ZRANB3: variants seen among roughly 807,000 people sequenced by gnomAD.
ZRANB3 encodes the protein zinc finger RANBP2-type containing 3, also known as DNA annealing helicase and endonuclease ZRANB3.
Under a neutral mutation model 133.8 loss-of-function variants are expected in ZRANB3, and 125 were observed. That is an observed-to-expected ratio of 0.93 (90% CI 0.81 to 1.08). ZRANB3 has a LOEUF of 1.08. Ranked by LOEUF, ZRANB3 falls within the 50% of genes least tolerant of loss-of-function variation. The pLI is 0.00. For missense variants in ZRANB3, 1,229 were observed against 1,275.5 expected, an observed-to-expected ratio of 0.96 and a Z score of 0.56; for synonymous variants, 387 against 432.7, an observed-to-expected ratio of 0.89 and a Z score of 1.31.
intron 8 of ZRANB3, among the ~76,000 whole-genome samples, chr2:135,292,519 C>T (rs1681806951): frequency 6.6e-6 from 1 of 152,148 alleles, no homozygotes; most frequent in Non-Finnish European, 1.5e-5. Context: ...GAGTAGACTG[C>T]AAAAAATTTC....
At chr2:135,357,587 C>A (rs757452604) in intron 3 of ZRANB3, among the ~76,000 whole-genome samples, 1 of 152,136 alleles carries the variant, frequency 6.6e-6, no homozygotes, top group Non-Finnish European at 1.5e-5. Context: ...TAAGCCACTG[C>A]GCCTTGCCAA....
intron 2 of ZRANB3, among the ~76,000 whole-genome samples, chr2:135,398,359 C>A (rs980651149): frequency 3.3e-5 from 5 of 151,708 alleles, no homozygotes; most frequent in Non-Finnish European, 5.9e-5. Context: ...AGTCACTGCA[C>A]CTGGCCCTAC....
intron 2 of ZRANB3, among the ~76,000 whole-genome samples, chr2:135,442,860 T>A (rs1053069202): frequency 6.6e-6 from 1 of 152,150 alleles, no homozygotes; most frequent in Non-Finnish European, 1.5e-5. Context: ...CTCATGCCTG[T>A]AATCCCAGCA....
intron 1 of ZRANB3, among the ~76,000 whole-genome samples, chr2:135,510,373 A>T (rs886922818): frequency 6.6e-6 from 1 of 152,226 alleles, no homozygotes; most frequent in African/African-American, 2.4e-5. Context: ...CAGGAAAGGG[A>T]AGAGAGGGAG....
In ZRANB3 at chr2:135,513,650, G is replaced by T. The variant is rs571502748; in HGVS notation, c.-7-9154C>A. 2.4e-3 allele frequency among the ~76,000 whole-genome samples: 373 copies of T among 152,250 alleles called. 1 individual carries two copies. The highest frequency in any genetic ancestry group is 8.8e-3 in the African/African-American group (364 of 41,558). ...TAAACCTTTGTAATCTTGGGTTATGGTATGGTTTTAGACAACAACACTAAA... is the reference window on the plus strand; with the variant it reads ...TAAACCTTTGTAATCTTGGGTTATGTTATGGTTTTAGACAACAACACTAAA... On this transcript the variant is annotated intron_variant, in intron 1 of 20. Transcript: ENST00000264159.
At chr2:135,240,171 GT>G (rs1353605963) in intron 12 of ZRANB3, among the ~76,000 whole-genome samples, 10 of 152,094 alleles carry the variant, frequency 6.6e-5, no homozygotes, top group African/African-American at 2.4e-4. Flanking sequence ...GCAAGATCCT[GT>G]CTCTACAAAA....
intron 15 of ZRANB3, among the ~76,000 whole-genome samples, chr2:135,223,200 G>A (rs929069956): frequency 2.0e-5 from 3 of 151,756 alleles, no homozygotes; most frequent in Middle Eastern, 3.4e-3. Context: ...GCAGTGAGCC[G>A]AGATTGCACC....
chr2:135,504,435 T>C lies in ZRANB3; in HGVS notation c.55A>G (p.Thr19Ala), dbSNP rs369170850. The C allele has an allele frequency of 4.3e-6, 7 of 1,613,588 alleles. No homozygotes were observed. The African/African-American group carries it at 8.0e-5, about 18-fold the overall frequency. ...KSLTPHISCVTNESDNLLDFL... is the reference protein window; with the variant it reads ...KSLTPHISCVANESDNLLDFL... ...TCCAGCAGATTATCAGATTCATTTGTCACACAAGAAATGTGAGGTGTAAGA... is the reference window on the plus strand; with the variant it reads ...TCCAGCAGATTATCAGATTCATTTGCCACACAAGAAATGTGAGGTGTAAGA... The change falls in exon 2 of 21, where the codon ACA becomes GCA. Residue 19 changes from threonine (T) to alanine (A), a missense_variant. Physicochemically the swap from Thr to Ala is moderately conservative, Grantham distance 58 (BLOSUM62 0). Coordinates refer to ENST00000264159, the MANE Select transcript of ZRANB3 (RefSeq NM_032143.4).
intron 1 of ZRANB3, among the ~76,000 whole-genome samples, chr2:135,512,625 G>C (rs930816176): frequency 1.3e-5 from 2 of 151,322 alleles, no homozygotes; most frequent in African/African-American, 4.8e-5. Context: ...CATAAACACT[G>C]AAAGTAAAAG....
intron 2 of ZRANB3, among the ~76,000 whole-genome samples, chr2:135,402,555 A>T (rs995221582): frequency 1.3e-5 from 2 of 150,720 alleles, no homozygotes; most frequent in Non-Finnish European, 2.9e-5. Context: ...CGGCCTCCCA[A>T]TGTGCTGGGA....
At chr2:135,247,554 A>T (rs1695852891) in intron 12 of ZRANB3, among the ~76,000 whole-genome samples, 1 of 151,088 alleles carries the variant, frequency 6.6e-6, no homozygotes, top group South Asian at 2.1e-4. Flanking sequence ...ACTTATTATT[A>T]TTTTTTTTTA....
intron 3 of ZRANB3, among the ~76,000 whole-genome samples, chr2:135,378,013 G>C (rs951157337): frequency 6.6e-6 from 1 of 152,196 alleles, no homozygotes; most frequent in Non-Finnish European, 1.5e-5. Flanking sequence ...TCCTGCCCTG[G>C]AACATTGGAC....
chr2:135,270,593 C>G (rs1442301878), intron 10 of ZRANB3, among the ~76,000 whole-genome samples: 4 of 152,154 alleles, frequency 2.6e-5, no homozygotes, highest in Non-Finnish European at 5.9e-5. Flanking sequence ...ATGATATTCT[C>G]TGTGGCTGGA....
rs145521081 is a variant in ZRANB3 at position 135,402,756 on chromosome 2, T to G, written c.162-11936A>C. 4.8e-4 allele frequency among the ~76,000 whole-genome samples: 73 copies of G among 152,188 alleles called. No individual in the cohort carries two copies. The East Asian group carries it at 0.014, about 28-fold the overall frequency. The stretch of plus-strand genomic sequence containing the variant: ...GCGGGCCACCACGTCCAGCTAATTT[T>G]TGTATTTTTTGTAGAGACGAGGTTG... On this transcript the variant is annotated intron_variant, in intron 2 of 20. Transcript: ENST00000264159.
At chr2:135,415,208 A>C (rs1688506216) in intron 2 of ZRANB3, among the ~76,000 whole-genome samples, 2 of 151,746 alleles carry the variant, frequency 1.3e-5, no homozygotes, top group African/African-American at 4.8e-5. Flanking sequence ...ATAGACCACT[A>C]GCAACTCTAA....
chr2:135,453,106 G>A (rs1690347229), intron 2 of ZRANB3, among the ~76,000 whole-genome samples: 1 of 152,234 alleles, frequency 6.6e-6, no homozygotes, highest in South Asian at 2.1e-4. Flanking sequence ...TGCACCTGCA[G>A]GCTCAATAAC....
chr2:135,447,580 A>G (rs1690079250), intron 2 of ZRANB3, among the ~76,000 whole-genome samples: 1 of 152,162 alleles, frequency 6.6e-6, no homozygotes, highest in African/African-American at 2.4e-5. Flanking sequence ...ATGATGGATG[A>G]TCACTGGTGG....
chr2:135,208,373 C>T (rs755820202), intron 18 of ZRANB3, among the ~76,000 whole-genome samples: 3 of 152,120 alleles, frequency 2.0e-5, no homozygotes, highest in East Asian at 1.9e-4. Flanking sequence ...TATAGGTAAA[C>T]GCAGAGTGGA....
chr2:135,403,470 T>C (rs1219697183), intron 2 of ZRANB3, among the ~76,000 whole-genome samples: 1 of 152,206 alleles, frequency 6.6e-6, no homozygotes, highest in African/African-American at 2.4e-5. Context: ...TCCAACTGTG[T>C]GGAGCCCACT....
Sources: allele counts gnomAD v4.1 joint callset (sites outside exome capture counted in the v4.1 genomes callset), GRCh38; gene constraint gnomAD v4.1.1; transcripts MANE v1.5; gene names NCBI Gene and HGNC (gene_info 2026-07-23, HGNC 2026-07-21).